The following LHFPL3 variants were observed in gnomAD, a reference collection of about 807,000 sequenced individuals.
LHFPL3 encodes LHFPL tetraspan subfamily member 3, also known as LHFPL tetraspan subfamily member 3 protein.
A neutral mutation model predicts 19.3 loss-of-function variants in LHFPL3; 5 were observed. The ratio of observed to expected loss-of-function variants is 0.26; its 90% CI spans 0.14 to 0.54. The LOEUF is 0.54. Among genes scored for constraint, LHFPL3 ranks in the 20% least tolerant of loss-of-function variants. The pLI, the probability that LHFPL3 is intolerant of heterozygous loss-of-function variation, is 0.94. For synonymous variants in LHFPL3, 133 were observed against 126.2 expected, an observed-to-expected ratio of 1.05 and a Z score of -0.36; for missense variants, 249 against 307.4, an observed-to-expected ratio of 0.81 and a Z score of 1.42.
chr7:104,788,945 A>G (rs756263824), intron 2 of LHFPL3, among the ~76,000 whole-genome samples: 1 of 152,182 alleles, frequency 6.6e-6, no homozygotes, highest in Admixed American at 6.5e-5. Context: ...AGGCACCACC[A>G]TTTCCCTAAG....
intron 2 of LHFPL3, among the ~76,000 whole-genome samples, chr7:104,751,199 G>T (rs560965652): frequency 1.9e-5 from 2 of 104,320 alleles, no homozygotes; most frequent in Non-Finnish European, 2.0e-5. Context: ...TCCTTTTAAT[G>T]GCTTAATGGC....
chr7:104,421,390 A>G (rs554076967), intron 1 of LHFPL3, among the ~76,000 whole-genome samples: 2 of 152,286 alleles, frequency 1.3e-5, no homozygotes, highest in South Asian at 4.1e-4. Context: ...TCAACATGTT[A>G]CAGATGGTTA....
intron 2 of LHFPL3, among the ~76,000 whole-genome samples, chr7:104,879,492 GGA>G (rs1192317730): frequency 6.6e-6 from 1 of 152,128 alleles, no homozygotes. Context: ...GTCTAAGGCA[GGA>G]GCATCACCTG....
intron 1 of LHFPL3, among the ~76,000 whole-genome samples, chr7:104,476,909 A>G (rs1489931355): frequency 2.0e-5 from 3 of 152,256 alleles, no homozygotes; most frequent in Non-Finnish European, 2.9e-5. Flanking sequence ...AAGGCAGGAA[A>G]GGGATCATTT....
In LHFPL3 at chr7:104,717,252, T is replaced by G. The variant is rs572283944; in HGVS notation, c.446-19423T>G. On this transcript the variant is annotated intron_variant, in intron 1 of 2. Transcript: ENST00000424859. ...CTTATAACATTAGTCTTGGCAATGA[T>G]TTTATGAATATGACACCAAAAGCAC... Among the ~76,000 whole-genome samples the G allele has an allele frequency of 2.6e-5, 4 of 152,260 alleles. No homozygotes were observed. In the East Asian group the frequency reaches 7.7e-4, roughly 29 times the overall value.
In LHFPL3 at chr7:104,697,813, C is replaced by G. The variant is rs538938137; in HGVS notation, c.446-38862C>G. On this transcript the variant is annotated intron_variant, in intron 1 of 2. Transcript: ENST00000424859. ...CATGCTTCCATTTGTGCTCATGGAGCAACAGCAACAGAGAGAACACTCAGG... is the reference window on the plus strand; with the variant it reads ...CATGCTTCCATTTGTGCTCATGGAGGAACAGCAACAGAGAGAACACTCAGG... Among the ~76,000 whole-genome samples the G allele has an allele frequency of 7.2e-4, 109 of 152,292 alleles. 1 individual carries two copies. The South Asian group carries it at 0.022, about 31-fold the overall frequency.
At chr7:104,513,320 G>C (rs1336349245) in intron 1 of LHFPL3, among the ~76,000 whole-genome samples, 1 of 152,176 alleles carries the variant, frequency 6.6e-6, no homozygotes, top group East Asian at 1.9e-4. Context: ...GTGCAGAAAG[G>C]TTCCTAAAGA....
At chr7:104,596,849 C>CTGTT (rs1790872261) in intron 1 of LHFPL3, among the ~76,000 whole-genome samples, 1 of 152,194 alleles carries the variant, frequency 6.6e-6, no homozygotes, top group Admixed American at 6.5e-5. Context: ...AAATCATTAT[C>CTGTT]TGTTTACATG....
intron 1 of LHFPL3, among the ~76,000 whole-genome samples, chr7:104,688,770 T>G (rs1273797693): frequency 6.6e-6 from 1 of 152,166 alleles, no homozygotes; most frequent in Non-Finnish European, 1.5e-5. Flanking sequence ...GAGATGTGGT[T>G]CAGATTGTGG....
chr7:104,637,952 T>C (rs989577775), intron 1 of LHFPL3, among the ~76,000 whole-genome samples: 3 of 151,918 alleles, frequency 2.0e-5, no homozygotes, highest in Non-Finnish European at 2.9e-5. Context: ...TTGATAGGAA[T>C]AGCATTGAAT....
At chr7:104,693,631 T>C (rs548507521) in intron 1 of LHFPL3, among the ~76,000 whole-genome samples, 2 of 152,278 alleles carry the variant, frequency 1.3e-5, no homozygotes, top group South Asian at 2.1e-4. Flanking sequence ...CCCACCATGA[T>C]TGTAAGTTTC....
chr7:104,399,872 G>A lies in LHFPL3; in HGVS notation c.445+70648G>A, dbSNP rs1265504929. Among the ~76,000 whole-genome samples the A allele has an allele frequency of 4.6e-5, 7 of 151,242 alleles. No individual in the cohort carries two copies. The highest frequency in any genetic ancestry group is 9.7e-5 in the African/African-American group (4 of 41,212). On this transcript the variant is annotated intron_variant, in intron 1 of 2. Coordinates refer to ENST00000424859, the MANE Select transcript of LHFPL3 (RefSeq NM_199000.3). This position sits in a 1 kb window ranked among gnomAD's most constrained non-coding sequence, Gnocchi z 4.4. ...AAAGACTCTGTAAGATCAGGGAGCC[G>A]AGGCAGGTGGATCACGTGAGGTCGA...
chr7:104,708,624 T>C (rs1280742410), intron 1 of LHFPL3, among the ~76,000 whole-genome samples: 1 of 152,186 alleles, frequency 6.6e-6, no homozygotes, highest in African/African-American at 2.4e-5. Flanking sequence ...TTATATACTA[T>C]AATTAAATAG....
At chr7:104,733,080 T>C (rs887797637) in intron 1 of LHFPL3, among the ~76,000 whole-genome samples, 2 of 152,252 alleles carry the variant, frequency 1.3e-5, no homozygotes, top group Admixed American at 1.3e-4. Context: ...TGCACTGTGT[T>C]CTAAGAGACA....
intron 2 of LHFPL3, among the ~76,000 whole-genome samples, chr7:104,842,303 T>A (rs912772075): frequency 1.7e-4 from 2 of 11,974 alleles, no homozygotes; most frequent in African/African-American, 2.7e-4. Flanking sequence ...GGTGGGGGGG[T>A]GGGGGGAGGC....
chr7:104,860,178 C>CCACACACACACACACACACACACACACA (rs10534227), intron 2 of LHFPL3, among the ~76,000 whole-genome samples: 1 of 128,874 alleles, frequency 7.8e-6, no homozygotes, highest in African/African-American at 2.8e-5. Flanking sequence ...ATACACCCAC[C>CCACACACACACACACACACACACACACA]CACACACACA....
chr7:104,668,472 C>T (rs1445964235), intron 1 of LHFPL3: 15 of 1,612,494 alleles, frequency 9.3e-6, no homozygotes, highest in Admixed American at 8.3e-5. Context: ...GGATGGCCCA[C>T]GCCGGGATAT....
At chr7:104,785,945 C>T (rs565896314) in intron 2 of LHFPL3, among the ~76,000 whole-genome samples, 1 of 152,304 alleles carries the variant, frequency 6.6e-6, no homozygotes, top group South Asian at 2.1e-4. Flanking sequence ...GTCCTTCTTC[C>T]CTGAACCCCC....
chr7:104,422,534 T>C (rs1791754666), intron 1 of LHFPL3, among the ~76,000 whole-genome samples: 1 of 152,234 alleles, frequency 6.6e-6, no homozygotes, highest in South Asian at 2.1e-4. Flanking sequence ...TTATAGAAAT[T>C]GATTTATTTC....
Sources: allele counts gnomAD v4.1 joint callset (sites outside exome capture counted in the v4.1 genomes callset), GRCh38; gene constraint gnomAD v4.1.1; non-coding constraint Gnocchi (gnomAD v3.1); transcripts MANE v1.5; gene names NCBI Gene and HGNC (gene_info 2026-07-23, HGNC 2026-07-21).